The following TIAM1 variants were observed in gnomAD, a reference collection of about 807,000 sequenced individuals.
The protein encoded by TIAM1 is TIAM Rac1 associated GEF 1.
Under a neutral mutation model 163.5 loss-of-function variants are expected in TIAM1, and 65 were observed. The ratio of observed to expected loss-of-function variants is 0.40; its 90% confidence interval spans 0.33 to 0.49. The LOEUF (loss-of-function observed/expected upper bound fraction) is 0.49. Ranked by LOEUF, TIAM1 falls within the 20% of genes least tolerant of loss-of-function variation. The pLI is 0.77. For synonymous variants in TIAM1, 833 were observed against 810.1 expected (o/e 1.03, Z -0.48); for missense variants, 1,789 against 2,044.7 (o/e 0.87, Z 2.41).
intron 2 of TIAM1, among the ~76,000 whole-genome samples, chr21:31,303,784 C>T (rs2074591029): frequency 6.6e-6 from 1 of 151,958 alleles, no homozygotes; most frequent in South Asian, 2.1e-4. Flanking sequence ...TCGAGACCAG[C>T]CTAGCCAACA....
At chr21:31,473,200 C>T (rs527624818) in intron 1 of TIAM1, among the ~76,000 whole-genome samples, 15 of 152,202 alleles carry the variant, frequency 9.9e-5, no homozygotes, top group Non-Finnish European at 1.6e-4. Context: ...GGAGGCCAAG[C>T]GGGCAGATCA....
intron 2 of TIAM1, among the ~76,000 whole-genome samples, chr21:31,425,949 T>C (rs754640401): frequency 1.3e-5 from 2 of 152,106 alleles, no homozygotes; most frequent in Non-Finnish European, 2.9e-5. Flanking sequence ...GCCAGGCTGG[T>C]CTCAAACTCC....
At chr21:31,489,186 A>G (rs1475575259) in intron 1 of TIAM1, among the ~76,000 whole-genome samples, 2 of 151,082 alleles carry the variant, frequency 1.3e-5, no homozygotes, top group African/African-American at 4.9e-5. Flanking sequence ...CCTGGGCAAC[A>G]TAGAGACCTT....
chr21:31,497,156 G>A (rs1452447590), intron 1 of TIAM1, among the ~76,000 whole-genome samples: 2 of 152,172 alleles, frequency 1.3e-5, no homozygotes, highest in African/African-American at 2.4e-5. Flanking sequence ...TCCAGCGTAG[G>A]TGTGTTGTAG....
chr21:31,315,765 A>T (rs1252501901), intron 2 of TIAM1, among the ~76,000 whole-genome samples: 2 of 150,952 alleles, frequency 1.3e-5, no homozygotes, highest in African/African-American at 4.9e-5. Context: ...GCGGATCATG[A>T]GGTCAGGAGA....
intron 2 of TIAM1, among the ~76,000 whole-genome samples, chr21:31,392,804 G>T (rs1024405010): frequency 6.6e-6 from 1 of 151,846 alleles, no homozygotes; most frequent in Non-Finnish European, 1.5e-5. Context: ...AGAGAGACTG[G>T]CACCGCCTAC....
chr21:31,279,163 G>C (rs2073434530), intron 2 of TIAM1, among the ~76,000 whole-genome samples: 1 of 151,960 alleles, frequency 6.6e-6, no homozygotes, highest in African/African-American at 2.4e-5. Context: ...ACTATACAGA[G>C]AGAAAGGGCA....
Position 31,395,959 on chromosome 21 carries a change from AG to A in TIAM1, c.-368-56538del, listed in dbSNP as rs1400960391. Among the ~76,000 whole-genome samples the A allele has an allele frequency of 4.6e-5, 7 of 152,214 alleles. No individual in the cohort carries two copies. Among genetic ancestry groups the A allele is most frequent in the Non-Finnish European group, 1.0e-4 (7 of 68,036 alleles). ...TCTTCCTCTAGATTTAAAATTCAAC[AG>A]GAACATGGCTTTTTTCCTCCGTAAT... On this transcript the variant is annotated intron_variant, in intron 2 of 28. Coordinates refer to the TIAM1 transcript ENST00000286827. The surrounding 1 kb of genome is among the most constrained non-coding windows in gnomAD (Gnocchi z 7.5).
chr21:31,195,115 C>A, intron 13 of TIAM1, 109 bp downstream of exon 13: 1 of 777,892 alleles, frequency 1.3e-6, no homozygotes, highest in South Asian at 1.8e-5. Flanking sequence ...GCCAGATATA[C>A]TATCTGTTTT....
intron 1 of TIAM1, among the ~76,000 whole-genome samples, chr21:31,527,017 TTTCCTGATC>T (rs1221206372): frequency 6.6e-6 from 1 of 152,082 alleles, no homozygotes; most frequent in African/African-American, 2.4e-5. Context: ...CTGTATACTC[TTTCCTGATC>T]TTCCATCAAG....
chr21:31,474,013 A>G (rs979111769), intron 1 of TIAM1, among the ~76,000 whole-genome samples: 3 of 152,180 alleles, frequency 2.0e-5, no homozygotes, highest in Admixed American at 6.5e-5. Flanking sequence ...GCTTCCACTC[A>G]TGGCAGAGGC....
At chr21:31,334,416 C>A (rs1172642937) in intron 2 of TIAM1, among the ~76,000 whole-genome samples, 1 of 152,024 alleles carries the variant, frequency 6.6e-6, no homozygotes, top group Non-Finnish European at 1.5e-5. Context: ...CCTCCGGAAT[C>A]GATGGGATTT....
intron 15 of TIAM1, among the ~76,000 whole-genome samples, chr21:31,179,869 C>T (rs1387380181): frequency 2.0e-5 from 3 of 150,892 alleles, no homozygotes; most frequent in African/African-American, 7.3e-5. Flanking sequence ...GATTTTTAAG[C>T]AAACACACGT....
rs189681130 is a variant in TIAM1 at position 31,295,425 on chromosome 21, A to G, written c.-188-18517T>C. On this transcript the variant is annotated intron_variant, in intron 2 of 27. Transcript: ENST00000541036. ...GCGGAGCTTGCAGTGCGCCGAGATC[A>G]CGCCACTGCATTCCAGCCTGGGTGA... Among the ~76,000 whole-genome samples the G allele has an allele frequency of 5.2e-3, 736 of 140,956 alleles. 6 individuals are homozygous for G. Among genetic ancestry groups the G allele is most frequent in the Non-Finnish European group, 9.1e-3 (605 of 66,626 alleles). The allele number at this position is 140,956 out of a possible 152,430, so 92.5% of individuals were successfully genotyped here. A position where few individuals can be genotyped will look rare whatever the true frequency, so the allele number is the denominator to read the frequency against.
At chr21:31,231,236 A>G (rs1322159200) in intron 6 of TIAM1, among the ~76,000 whole-genome samples, 2 of 152,208 alleles carry the variant, frequency 1.3e-5, no homozygotes, top group South Asian at 4.1e-4. Context: ...AGGAGAAAGC[A>G]TGTTAAGCCG....
intron 2 of TIAM1, among the ~76,000 whole-genome samples, chr21:31,381,585 T>C (rs112226611): frequency 0.055 from 8,366 of 152,180 alleles, 484 homozygotes; most frequent in East Asian, 0.29. Flanking sequence ...CAGGAATCAC[T>C]TGAACATGGG....
chr21:31,231,353 G>A (rs553842382), intron 6 of TIAM1, among the ~76,000 whole-genome samples: 2 of 152,230 alleles, frequency 1.3e-5, no homozygotes, highest in South Asian at 4.1e-4. Context: ...AAACATAACG[G>A]AGTCTGTGTA....
chr21:31,194,481 A>G (rs1195801998), intron 13 of TIAM1, among the ~76,000 whole-genome samples: 1 of 152,216 alleles, frequency 6.6e-6, no homozygotes, highest in East Asian at 1.9e-4. Context: ...GGGGGTGTAA[A>G]AGAATAATTC....
chr21:31,232,655 C>A (rs1292705015), intron 6 of TIAM1, among the ~76,000 whole-genome samples: 1 of 152,122 alleles, frequency 6.6e-6, no homozygotes, highest in Non-Finnish European at 1.5e-5. Context: ...TTCTGACATG[C>A]TAGAAAAAGC....
Sources: allele counts gnomAD v4.1 joint callset (sites outside exome capture counted in the v4.1 genomes callset), GRCh38; gene constraint gnomAD v4.1.1; non-coding constraint Gnocchi (gnomAD v3.1); transcripts MANE v1.5; gene names NCBI Gene and HGNC (gene_info 2026-07-23, HGNC 2026-07-21).